The following MTBP variants were observed in gnomAD, a reference collection of about 807,000 sequenced individuals.
MTBP encodes mdm2-binding protein.
A neutral mutation model predicts 117.0 loss-of-function variants in MTBP; 101 were observed. The ratio of observed to expected loss-of-function variants is 0.86; its 90% CI spans 0.73 to 1.02. The LOEUF (loss-of-function observed/expected upper bound fraction) is 1.02. Ranked by LOEUF, MTBP falls within the 50% of genes least tolerant of loss-of-function variation. The probability of loss-of-function intolerance (pLI) is 0.00; values close to 1 mark genes in which losing one functional copy is unlikely to be tolerated. For synonymous variants in MTBP, 350 were observed against 351.5 expected (o/e 1.00, Z 0.05); for missense variants, 970 against 1,030.9 (o/e 0.94, Z 0.81).
At chr8:120,509,470 C>T (rs1013255459) in intron 16 of MTBP, among the ~76,000 whole-genome samples, 3 of 151,912 alleles carry the variant, frequency 2.0e-5, no homozygotes, top group Admixed American at 6.6e-5. Flanking sequence ...GACATGGGAG[C>T]GGGTGCCTGT....
intron 11 of MTBP, chr8:120,472,035 A>T (rs1269172521): frequency 6.6e-6 from 1 of 152,142 alleles, no homozygotes; most frequent in African/African-American, 2.4e-5. Flanking sequence ...TGTGTTTTTT[A>T]AATTGAACAA....
At chr8:120,508,893 C>T (rs577172645) in intron 16 of MTBP, among the ~76,000 whole-genome samples, 53 of 152,276 alleles carry the variant, frequency 3.5e-4, no homozygotes, top group South Asian at 2.5e-3. Context: ...CGGCACCTAT[C>T]GGAATAATCC....
intron 15 of MTBP, among the ~76,000 whole-genome samples, chr8:120,504,068 TATC>T (rs1157361372): frequency 6.6e-6 from 1 of 152,128 alleles, no homozygotes; most frequent in African/African-American, 2.4e-5. Context: ...AATTTGGAGT[TATC>T]ATCAGTAGGG....
intron 11 of MTBP, among the ~76,000 whole-genome samples, chr8:120,487,889 T>C (rs941444008): frequency 1.3e-5 from 2 of 152,216 alleles, no homozygotes; most frequent in African/African-American, 4.8e-5. Context: ...ATTTAAGAAA[T>C]ATACTGTAGA....
intron 11 of MTBP, among the ~76,000 whole-genome samples, chr8:120,480,530 A>G (rs927332932): frequency 7.9e-5 from 12 of 152,218 alleles, no homozygotes; most frequent in Non-Finnish European, 1.5e-4. Flanking sequence ...ATGCTACCTG[A>G]TCTCATGACT....
intron 14 of MTBP, among the ~76,000 whole-genome samples, chr8:120,500,220 G>T (rs1814555585): frequency 6.6e-6 from 1 of 151,916 alleles, no homozygotes; most frequent in Non-Finnish European, 1.5e-5. Context: ...TTCTCAGAGA[G>T]CCTTTGTGCT....
chr8:120,466,621 C>G (rs1813700236), intron 10 of MTBP, among the ~76,000 whole-genome samples: 1 of 151,792 alleles, frequency 6.6e-6, no homozygotes, highest in Non-Finnish European at 1.5e-5. Flanking sequence ...GCCTTTAATT[C>G]CAGCACTTTG....
At chr8:120,466,366 C>G (rs1445155666) in intron 10 of MTBP, among the ~76,000 whole-genome samples, 1 of 151,454 alleles carries the variant, frequency 6.6e-6, no homozygotes, top group Non-Finnish European at 1.5e-5. Flanking sequence ...CATACACCAC[C>G]ATGGTTGGCT....
chr8:120,484,598 G>A (rs537310077), intron 11 of MTBP, among the ~76,000 whole-genome samples: 36 of 152,182 alleles, frequency 2.4e-4, no homozygotes, highest in South Asian at 2.1e-3. Flanking sequence ...CTTTCTTTTT[G>A]TGAGCAGAAC....
chr8:120,457,535 A>G (rs9643146), intron 7 of MTBP, among the ~76,000 whole-genome samples: 80,448 of 151,984 alleles, frequency 0.53, 24,574 homozygotes, highest in Non-Finnish European at 0.67. Flanking sequence ...ATGTGGCTGG[A>G]TTTGTCTTGT....
chr8:120,506,522 GTTATTTGCAAATATTTTACT>G (rs1332372082), intron 15 of MTBP, among the ~76,000 whole-genome samples, 164 bp from the exon 16 acceptor site: 1 of 151,800 alleles, frequency 6.6e-6, no homozygotes, highest in Non-Finnish European at 1.5e-5. Context: ...TAGAAACTAA[GTTATTTGCAAATATTTTACT>G]TTATTGTCTG....
chr8:120,486,922 A>G (rs1327352354), intron 11 of MTBP, among the ~76,000 whole-genome samples: 1 of 152,186 alleles, frequency 6.6e-6, no homozygotes, highest in Non-Finnish European at 1.5e-5. Context: ...TACCCTTAGG[A>G]TCATTTCACC....
At chr8:120,493,708 C>A (rs941617942) in intron 13 of MTBP, among the ~76,000 whole-genome samples, 3 of 152,064 alleles carry the variant, frequency 2.0e-5, no homozygotes, top group Non-Finnish European at 2.9e-5. Flanking sequence ...CCAGGCTGGT[C>A]TCGAACTCTG....
intron 13 of MTBP, among the ~76,000 whole-genome samples, chr8:120,493,093 A>G (rs948814097): frequency 2.6e-5 from 4 of 152,212 alleles, no homozygotes; most frequent in Admixed American, 2.0e-4. Context: ...TATAAAACAC[A>G]GTGCAAAGCT....
At chr8:120,480,300 C>T (rs1470229099) in intron 11 of MTBP, among the ~76,000 whole-genome samples, 1 of 151,770 alleles carries the variant, frequency 6.6e-6, no homozygotes, top group Admixed American at 6.6e-5. Context: ...ATCCCAGCTG[C>T]TCTGGAGACT....
intron 2 of MTBP, 44 bp from the exon 3 acceptor site, chr8:120,450,959 T>A: frequency 7.1e-7 from 1 of 1,411,812 alleles, no homozygotes; most frequent in South Asian, 1.2e-5. Context: ...CATCTGCTTA[T>A]TTATGGTATG....
chr8:120,517,384 GATTT>G (rs1428302718), intron 18 of MTBP, among the ~76,000 whole-genome samples: 7 of 151,944 alleles, frequency 4.6e-5, no homozygotes, highest in East Asian at 1.9e-4. Context: ...ATGCATAGCT[GATTT>G]ATTTGAGAAA....
chr8:120,446,252 C>G (rs1311932495), intron 1 of MTBP, among the ~76,000 whole-genome samples, 181 bp from the exon 2 acceptor site: 1 of 152,076 alleles, frequency 6.6e-6, no homozygotes, highest in Admixed American at 6.5e-5. Context: ...AGATCGGGAG[C>G]CTTTTCTATT....
At chr8:120,495,816 T>C (rs983210591) in intron 13 of MTBP, among the ~76,000 whole-genome samples, 2 of 152,152 alleles carry the variant, frequency 1.3e-5, no homozygotes, top group Non-Finnish European at 2.9e-5. Context: ...TATCTTCTCA[T>C]TTGTCTATGA....
Sources: allele counts gnomAD v4.1 joint callset (sites outside exome capture counted in the v4.1 genomes callset), GRCh38; gene constraint gnomAD v4.1.1; transcripts MANE v1.5; gene names NCBI Gene and HGNC (gene_info 2026-07-23, HGNC 2026-07-21).